The following MND1 variants were observed in gnomAD, a reference collection of about 807,000 sequenced individuals.
The protein encoded by MND1 is meiotic nuclear divisions 1, also known as meiotic nuclear division protein 1 homolog.
In MND1, 28 loss-of-function variants were observed where a neutral mutation model predicts 35.1. The ratio of observed to expected loss-of-function variants is 0.80; its 90% CI spans 0.59 to 1.09. The LOEUF (loss-of-function observed/expected upper bound fraction) is 1.09. Among genes scored for constraint, MND1 ranks in the 50% least tolerant of loss-of-function variants. The pLI is 0.00. For missense variants in MND1, 213 were observed against 239.6 expected (o/e 0.89, Z 0.73); for synonymous variants, 69 against 70.5 (o/e 0.98, Z 0.11).
chr4:153,391,495 G>A (rs2149651447), intron 4 of MND1, among the ~76,000 whole-genome samples: 1 of 152,220 alleles, frequency 6.6e-6, no homozygotes, highest in South Asian at 2.1e-4. Flanking sequence ...GGAGGCTGAG[G>A]TGGGTGGATT....
At chr4:153,360,911 C>G (rs1258262471) in intron 4 of MND1, among the ~76,000 whole-genome samples, 1 of 152,118 alleles carries the variant, frequency 6.6e-6, no homozygotes, top group Non-Finnish European at 1.5e-5. Context: ...GCAAACATGG[C>G]TCACTGCAGC....
intron 4 of MND1, among the ~76,000 whole-genome samples, chr4:153,386,663 C>T (rs2149649043): frequency 6.6e-6 from 1 of 152,254 alleles, no homozygotes; most frequent in Non-Finnish European, 1.5e-5. Context: ...TTGCAGTGAG[C>T]TGAGATCACA....
At chr4:153,413,688 A>G (rs367941601) in intron 7 of MND1, among the ~76,000 whole-genome samples, 43 of 92,594 alleles carry the variant, frequency 4.6e-4, no homozygotes, top group South Asian at 2.0e-3. Flanking sequence ...TCTCAAGGGG[A>G]AAAAAAAAAA....
chr4:153,386,173 T>G (rs1209978562), intron 4 of MND1, among the ~76,000 whole-genome samples: 1 of 151,714 alleles, frequency 6.6e-6, no homozygotes, highest in African/African-American at 2.4e-5. Flanking sequence ...AGTGTTTTGT[T>G]TTTTGTTTTT....
Position 153,408,961 on chromosome 4 carries a change from T to C in MND1, c.467-10T>C. ...ATACATTTCATTTTATATATATAAT[T>C]TTTTTTCAGGCCAAGCAAATAAAGT... On this transcript the variant is annotated splice_polypyrimidine_tract_variant and intron_variant, in intron 6 of 7. Coordinates refer to ENST00000240488, the MANE Select transcript of MND1 (RefSeq NM_032117.4). 2 of 1,245,232 alleles carry C rather than the reference T, an allele frequency of 1.6e-6. No individual in the cohort carries two copies. The highest frequency in any genetic ancestry group is 2.1e-6 in the Non-Finnish European group (2 of 965,196). The allele number at this position is 1,245,232 out of a possible 1,614,324, so 77.1% of individuals were successfully genotyped here. A position where few individuals can be genotyped will look rare whatever the true frequency, so the allele number is the denominator to read the frequency against.
rs114128110 is a variant in MND1, at chr4:153,349,964, C to T, written c.4-100C>T. On this transcript the variant is annotated intron_variant, in intron 1 of 7. Transcript: ENST00000240488. ...ACTTTGAGAGTATCAAACCTGTTGGCATCAGATAAGACCATGCATAAAATT... is the reference window on the plus strand; with the variant it reads ...ACTTTGAGAGTATCAAACCTGTTGGTATCAGATAAGACCATGCATAAAATT... The T allele has an allele frequency of 1.1e-3, 847 of 752,790 alleles. 6 individuals are homozygous for T. In the African/African-American group the frequency reaches 0.013, roughly 11 times the overall value. The allele number at this position is 752,790 out of a possible 1,614,324, so 46.6% of individuals were successfully genotyped here.
At chr4:153,355,553 T>C in intron 2 of MND1, 101 bp from the exon 3 acceptor site, 1 of 689,632 alleles carries the variant, frequency 1.5e-6, no homozygotes, top group South Asian at 1.7e-5. Context: ...TGTAAATGTA[T>C]ACAACTATTA....
intron 7 of MND1, among the ~76,000 whole-genome samples, chr4:153,413,687 GAA>G (rs35958362): frequency 1.1e-4 from 16 of 139,236 alleles, no homozygotes; most frequent in Admixed American, 2.1e-4. Flanking sequence ...GTCTCAAGGG[GAA>G]AAAAAAAAAA....
chr4:153,348,897 C>A (rs1579888500), intron 1 of MND1, among the ~76,000 whole-genome samples: 1 of 152,206 alleles, frequency 6.6e-6, no homozygotes, highest in Non-Finnish European at 1.5e-5. Flanking sequence ...CTTGTCTTCA[C>A]TTATGTAAAC....
chr4:153,349,197 T>G (rs1016817927), intron 1 of MND1, among the ~76,000 whole-genome samples: 1 of 152,032 alleles, frequency 6.6e-6, no homozygotes, highest in Non-Finnish European at 1.5e-5. Context: ...CAATATATTG[T>G]AAAATTTATT....
intron 4 of MND1, among the ~76,000 whole-genome samples, chr4:153,365,924 A>G (rs903524824): frequency 2.6e-5 from 4 of 152,078 alleles, no homozygotes; most frequent in Non-Finnish European, 5.9e-5. Flanking sequence ...TATGGCTGCC[A>G]TAGTAAATTA....
At chr4:153,376,872 G>A (rs1386355648) in intron 4 of MND1, among the ~76,000 whole-genome samples, 19 of 152,164 alleles carry the variant, frequency 1.2e-4, no homozygotes, top group East Asian at 3.9e-4. Context: ...ACCTAGCACC[G>A]TTTTTGGCAT....
At chr4:153,391,737 C>CACACACACACACAT (rs1272973102) in intron 4 of MND1, among the ~76,000 whole-genome samples, 3 of 151,644 alleles carry the variant, frequency 2.0e-5, no homozygotes, top group African/African-American at 7.3e-5. Context: ...TACACACACA[C>CACACACACACACAT]ACACACACAC....
At chr4:153,394,878 A>G (rs887438718) in intron 5 of MND1, among the ~76,000 whole-genome samples, 2 of 152,182 alleles carry the variant, frequency 1.3e-5, no homozygotes, top group African/African-American at 4.8e-5. Context: ...ATATTTTTCT[A>G]AGTATTAGGT....
chr4:153,351,546 A>G (rs1048617327), intron 2 of MND1, among the ~76,000 whole-genome samples: 2 of 152,228 alleles, frequency 1.3e-5, no homozygotes, highest in African/African-American at 4.8e-5. Flanking sequence ...TGAATGGAAT[A>G]TGGTATATCC....
rs949506210 is a variant in MND1 at position 153,397,299 on chromosome 4, C to G, written c.432C>G (p.Tyr144Ter). The change falls in exon 6 of 8, where the codon TAC (tyrosine) becomes TAG (stop). Residue 144 changes from tyrosine to a stop codon, truncating the protein, a stop_gained. Transcript: ENST00000240488. LOFTEE classifies it high-confidence loss of function. ...REQLKAEVEKYKDCDPQVVEE... is the reference protein window; with the variant it reads ...REQLKAEVEK ...AGCTAAAGGCAGAAGTAGAAAAATA[C>G]AAAGACTGTGATCCGCAAGTTGTGG... 1 of 1,612,554 alleles carries G rather than the reference C, an allele frequency of 6.2e-7. No homozygotes were observed. The highest frequency in any genetic ancestry group is 8.5e-7 in the Non-Finnish European group (1 of 1,179,206).
At chr4:153,384,258 CTTTTTTTTTTTTTTT>C (rs35214226) in intron 4 of MND1, among the ~76,000 whole-genome samples, 1 of 55,358 alleles carries the variant, frequency 1.8e-5, no homozygotes, top group Non-Finnish European at 3.3e-5. Context: ...CTACTTTCTG[CTTTTTTTTTTTTTTT>C]TTTTTTTTTT....
intron 7 of MND1, among the ~76,000 whole-genome samples, chr4:153,409,616 ATTAG>A (rs1379447514): frequency 6.6e-6 from 1 of 152,162 alleles, no homozygotes; most frequent in Non-Finnish European, 1.5e-5. Flanking sequence ...GTCAAAGGCG[ATTAG>A]TCACTGCAAG....
At position 153,344,699 on chromosome 4, in the gene MND1, A is replaced by T; in HGVS notation, c.-39A>T. The stretch of plus-strand genomic sequence containing the variant: ...CTGGCCTGTCCCGCCCCTCTCCCCA[A>T]GCGCGGGCCCGGCCAGCGGAAGCCC... On this transcript the variant is annotated 5_prime_UTR_variant, in exon 1 of 8. In the 5' UTR this introduces an upstream ATG that the reference lacks. Coordinates refer to ENST00000240488, the MANE Select transcript of MND1 (RefSeq NM_032117.4). 1 of 1,570,106 alleles carries T rather than the reference A, an allele frequency of 6.4e-7. No individual in the cohort carries two copies. Among genetic ancestry groups the T allele is most frequent in the Non-Finnish European group, 8.6e-7 (1 of 1,159,388 alleles).
Sources: allele counts gnomAD v4.1 joint callset (sites outside exome capture counted in the v4.1 genomes callset), GRCh38; gene constraint gnomAD v4.1.1; transcripts MANE v1.5; gene names NCBI Gene and HGNC (gene_info 2026-07-23, HGNC 2026-07-21).